ZNF69: variants seen among roughly 807,000 people sequenced by gnomAD.
ZNF69 encodes the protein ZNF3.
In ZNF69, 47 loss-of-function variants were observed where a neutral mutation model predicts 50.9. The ratio of observed to expected loss-of-function variants is 0.92; its 90% CI spans 0.73 to 1.18. ZNF69 has a LOEUF of 1.18. ZNF69 is among the 50% of genes most tolerant of loss of function. The pLI, the probability that ZNF69 is intolerant of heterozygous loss-of-function variation, is 0.00. For missense variants in ZNF69, 717 were observed against 675.1 expected (o/e 1.06, Z -0.69); for synonymous variants, 216 against 223.1 (o/e 0.97, Z 0.29).
chr19:11,935,100 C>G, the ZNF69 span, among the ~76,000 whole-genome samples: 1 of 138,784 alleles, frequency 7.2e-6, no homozygotes, highest in African/African-American at 3.0e-5. Context: ...GGCATGAACC[C>G]GGGAGGCGGA....
chr19:11,953,792 A>G, the ZNF69 span, among the ~76,000 whole-genome samples: 1 of 152,224 alleles, frequency 6.6e-6, no homozygotes, highest in Non-Finnish European at 1.5e-5. Context: ...GGATGAAAAC[A>G]AATACATACC....
the ZNF69 span, among the ~76,000 whole-genome samples, chr19:11,957,014 C>T: frequency 7.9e-5 from 12 of 152,182 alleles, no homozygotes; most frequent in African/African-American, 1.2e-4. Flanking sequence ...TGATGCCCTC[C>T]GCAAGTGACA....
chr19:11,914,341 TGTG>T (rs1333612631), downstream of ZNF69: 1 of 152,008 alleles, frequency 6.6e-6, no homozygotes, highest in African/African-American at 2.4e-5. Flanking sequence ...GACTTGGACT[TGTG>T]GTGAGGGGAG....
the ZNF69 span, chr19:11,977,025 T>C: frequency 6.3e-7 from 1 of 1,598,980 alleles, no homozygotes; most frequent in Non-Finnish European, 8.6e-7. Flanking sequence ...TCTACACATG[T>C]GAGATGTTTC....
downstream of ZNF69, among the ~76,000 whole-genome samples, chr19:11,907,259 T>C (rs1201722085): frequency 6.6e-6 from 1 of 152,190 alleles, no homozygotes; most frequent in African/African-American, 2.4e-5. Context: ...TTCAGGATAT[T>C]ATTCAGGAGA....
At chr19:11,964,161 G>GT in the ZNF69 span, among the ~76,000 whole-genome samples, 2 of 152,158 alleles carry the variant, frequency 1.3e-5, no homozygotes, top group Admixed American at 1.3e-4. Context: ...CGGGCAGCCC[G>GT]CCCTCCCCTA....
the ZNF69 span, chr19:11,948,939 T>G: frequency 6.2e-7 from 1 of 1,608,322 alleles, no homozygotes; most frequent in Non-Finnish European, 8.5e-7. Flanking sequence ...GAGAGAAGCC[T>G]TATCAATGCA....
the ZNF69 span, among the ~76,000 whole-genome samples, chr19:11,923,820 G>T: frequency 6.6e-6 from 1 of 152,130 alleles, no homozygotes; most frequent in Admixed American, 6.5e-5. Flanking sequence ...AACCTGCAGG[G>T]GGCAGCAGAG....
the ZNF69 span, among the ~76,000 whole-genome samples, chr19:11,959,612 T>C: frequency 1.3e-5 from 2 of 152,284 alleles, no homozygotes; most frequent in South Asian, 4.2e-4. Flanking sequence ...CTCTGTGAAG[T>C]TGTGGGTCAT....
the ZNF69 span, among the ~76,000 whole-genome samples, chr19:11,974,126 T>TTTCTTTTCTTTCTTTC: frequency 2.7e-4 from 15 of 55,090 alleles, no homozygotes; most frequent in South Asian, 3.6e-3. Flanking sequence ...TCTTTCTTTC[T>TTTCTTTTCTTTCTTTC]TTTCTTTCTT....
At chr19:11,929,011 C>T in the ZNF69 span, among the ~76,000 whole-genome samples, 4 of 148,042 alleles carry the variant, frequency 2.7e-5, no homozygotes, top group South Asian at 4.2e-4. Flanking sequence ...TTTTACAAAA[C>T]GCTATAGGTA....
intron 1 of ZNF69, among the ~76,000 whole-genome samples, chr19:11,891,835 G>A (rs1420163885): frequency 1.3e-5 from 2 of 152,114 alleles, no homozygotes; most frequent in Non-Finnish European, 2.9e-5. Context: ...TTTCTTGTTA[G>A]TCTCAAGATG....
At chr19:11,948,735 T>G in the ZNF69 span, 122 of 1,612,804 alleles carry the variant, frequency 7.6e-5, no homozygotes, top group Non-Finnish European at 9.2e-5. Context: ...TCAGTTTATA[T>G]CTTATCCATG....
chr19:11,976,730 G>A, the ZNF69 span: 3 of 385,154 alleles, frequency 7.8e-6, no homozygotes, highest in African/African-American at 6.6e-5. Context: ...GCCGGGTGTG[G>A]TGGCGCATGC....
chr19:11,902,135 G>T (rs1214532179), intron 1 of ZNF69, among the ~76,000 whole-genome samples: 1 of 151,648 alleles, frequency 6.6e-6, no homozygotes, highest in African/African-American at 2.4e-5. Flanking sequence ...GGCATGTGCC[G>T]CCATGCCCGG....
rs551831540 is a variant in ZNF69 at position 11,905,565 on chromosome 19, T to C, written c.1168T>C (p.Cys390Arg). Residue 390 changes from cysteine to arginine, a missense_variant, in exon 4 of 4, where the codon TGC (cysteine) becomes CGC (arginine). Transcript: ENST00000429654. Reference protein sequence around the residue: ...KTHSGEKPYKCKQCGKAFIHS... With the variant: ...KTHSGEKPYKRKQCGKAFIHS... ...TCACAGTGGAGAGAAACCCTATAAA[T>C]GCAAGCAATGTGGTAAAGCCTTCAT... 9 of 1,613,938 alleles carry C rather than the reference T, an allele frequency of 5.6e-6. No individual in the cohort carries two copies. The highest frequency in any genetic ancestry group is 5.5e-5 in the South Asian group (5 of 91,080).
the ZNF69 span, among the ~76,000 whole-genome samples, chr19:11,932,215 G>A: frequency 6.8e-6 from 1 of 147,856 alleles, no homozygotes. Context: ...ATGGTGATGT[G>A]CGCCTGTAGA....
chr19:11,890,418 G>A (rs980605729), intron 1 of ZNF69, among the ~76,000 whole-genome samples: 5 of 152,216 alleles, frequency 3.3e-5, no homozygotes, highest in Admixed American at 1.3e-4. Flanking sequence ...ATCCTGCACA[G>A]CCCTAAATCC....
the ZNF69 span, among the ~76,000 whole-genome samples, chr19:11,920,278 A>G: frequency 6.6e-6 from 1 of 151,802 alleles, no homozygotes; most frequent in Admixed American, 6.6e-5. Context: ...TGTCCGGATA[A>G]TTTTTGTATT....
Sources: gnomAD v4.1 joint callset for allele counts (sites outside exome capture counted in the v4.1 genomes callset) on GRCh38, gnomAD v4.1.1 for gene constraint, MANE v1.5 for transcripts, NCBI Gene and HGNC (gene_info 2026-07-23, HGNC 2026-07-21) for gene names.